LRRK1: variants seen among roughly 807,000 people sequenced by gnomAD.
LRRK1 encodes the protein leucine rich repeat kinase 1, also known as leucine-rich repeat serine/threonine-protein kinase 1.
Under a neutral mutation model 209.1 loss-of-function variants are expected in LRRK1, and 113 were observed. The observed-to-expected ratio is 0.54, with a 90% CI of 0.46 to 0.63. The LOEUF (loss-of-function observed/expected upper bound fraction) is 0.63, where lower values mean the gene tolerates loss of function less well. Ranked by LOEUF, LRRK1 falls within the 30% of genes least tolerant of loss-of-function variation. The pLI is 0.00. For synonymous variants in LRRK1, 1,144 were observed against 1,099.7 expected (o/e 1.04, Z -0.80); for missense variants, 2,284 against 2,632.2 (o/e 0.87, Z 2.89).
intron 20 of LRRK1, chr15:101,043,878 A>C (rs1334495978): frequency 6.6e-6 from 1 of 152,196 alleles, no homozygotes; most frequent in Non-Finnish European, 1.5e-5. Flanking sequence ...GGCCTCCTGC[A>C]TGGGAACAGC....
intron 33 of LRRK1, chr15:101,067,344 CCA>C (rs2036588621): frequency 4.4e-6 from 2 of 455,594 alleles, no homozygotes; most frequent in South Asian, 1.6e-5. Context: ...CTGCAGCTCC[CCA>C]CAGTGTTTAC....
intron 2 of LRRK1, among the ~76,000 whole-genome samples, chr15:100,947,590 AC>A (rs1484255351): frequency 2.0e-5 from 3 of 152,248 alleles, no homozygotes; most frequent in Non-Finnish European, 4.4e-5. Flanking sequence ...TAAAATTAGG[AC>A]TGAGTATATC....
In LRRK1 at chr15:101,022,453, G is replaced by A. The variant is rs2033840823; in HGVS notation, c.1923G>A (p.Met641Ile). Residue 641 changes from methionine to isoleucine, a missense_variant, in exon 15 of 34, where the codon ATG becomes ATA. Coordinates refer to ENST00000388948, the MANE Select transcript of LRRK1 (RefSeq NM_024652.6). The surrounding 1 kb of genome is among the most constrained non-coding windows in gnomAD (Gnocchi z 4.0). ...RKAEKCKLMK[M>I]IIVGPPRQGK... The stretch of plus-strand genomic sequence containing the variant: ...CGGAAAAGTGCAAGCTGATGAAGAT[G>A]ATCATCGTGGGTCCCCCGCGCCAGG... 6.2e-7 allele frequency: 1 copy of A among 1,614,226 alleles called. No individual in the cohort carries two copies. The highest frequency in any genetic ancestry group is 8.5e-7 in the Non-Finnish European group (1 of 1,180,038).
At chr15:101,051,607 T>C in intron 23 of LRRK1, 104 bp from the exon 24 acceptor site, 3 of 1,432,236 alleles carry the variant, frequency 2.1e-6, no homozygotes, top group Non-Finnish European at 9.5e-7. Flanking sequence ...GACAGGCAGC[T>C]CCCCTGCTGC....
At chr15:100,969,672 A>G (rs2030729906) in intron 2 of LRRK1, among the ~76,000 whole-genome samples, 1 of 151,914 alleles carries the variant, frequency 6.6e-6, no homozygotes, top group African/African-American at 2.4e-5. Flanking sequence ...ACAGGTGCCC[A>G]GTGTGTGTTG....
intron 20 of LRRK1, among the ~76,000 whole-genome samples, chr15:101,035,704 G>T (rs2034469369): frequency 6.6e-6 from 1 of 151,832 alleles, no homozygotes; most frequent in South Asian, 2.1e-4. Flanking sequence ...ATTATTTTCT[G>T]GTTGTTTTTA....
chr15:101,041,922 T>G (rs968222205), intron 20 of LRRK1, among the ~76,000 whole-genome samples: 1 of 152,196 alleles, frequency 6.6e-6, no homozygotes, highest in East Asian at 1.9e-4. Context: ...GTTACATAAA[T>G]GTGGTCTCTC....
intron 6 of LRRK1, among the ~76,000 whole-genome samples, chr15:101,004,976 C>A (rs1444909289): frequency 2.0e-5 from 3 of 152,220 alleles, no homozygotes; most frequent in African/African-American, 7.2e-5. Context: ...GTTGTCAAAG[C>A]CAAAACCATA....
In LRRK1 at chr15:101,012,025, C is replaced by T. The variant is rs372256745; in HGVS notation, c.1299C>T (p.Ser433=). The T allele has an allele frequency of 7.5e-6, 12 of 1,603,094 alleles. No individual in the cohort carries two copies. The highest frequency in any genetic ancestry group is 2.2e-5 in the East Asian group (1 of 44,754). Residue 433 remains serine (S), a synonymous_variant, in exon 10 of 34, where the codon TCC becomes TCT. Transcript: ENST00000388948. ...WACPLKCCKA[S]RNALECLPDK... ...TCTCTTAGAAATGTTGTAAAGCTTC[C>T]AGAAATGCCCTGGAATGTCTGCCAG...
At chr15:100,990,659 G>A (rs1317466279) in intron 6 of LRRK1, among the ~76,000 whole-genome samples, 1 of 148,404 alleles carries the variant, frequency 6.7e-6, no homozygotes, top group Admixed American at 6.7e-5. Flanking sequence ...TGAACTGCCT[G>A]TTAATGTTTG....
intron 3 of LRRK1, among the ~76,000 whole-genome samples, chr15:100,982,860 C>T (rs1436320276): frequency 1.3e-5 from 2 of 152,204 alleles, no homozygotes; most frequent in Admixed American, 1.3e-4. Flanking sequence ...GCAGCAAATG[C>T]GAGCCACATG....
intron 23 of LRRK1, 64 bp from the exon 24 acceptor site, chr15:101,051,647 C>G: frequency 7.0e-7 from 1 of 1,425,908 alleles, no homozygotes; most frequent in Non-Finnish European, 9.2e-7. Flanking sequence ...GTGCAGAGTG[C>G]TGCTCGGGGG....
rs753818870 is a variant in LRRK1 at position 101,024,887 on chromosome 15, G to A, written c.2152G>A (p.Ala718Thr). 6.2e-7 allele frequency: 1 copy of A among 1,614,200 alleles called. No individual in the cohort carries two copies. The highest frequency in any genetic ancestry group is 1.1e-5 in the South Asian group (1 of 91,086). ...TVNQCFFTDK[A>T]LYVVVWNLAL... Reference sequence around the variant, plus strand: ...CAACCAGTGCTTCTTCACGGACAAGGCCCTGTACGTGGTGGTCTGGAACCT... The same window carrying A: ...CAACCAGTGCTTCTTCACGGACAAGACCCTGTACGTGGTGGTCTGGAACCT... The change falls in exon 16 of 34, where the codon GCC becomes ACC. Residue 718 changes from alanine to threonine, a missense_variant. Ala to Thr is a moderately conservative substitution (Grantham distance 58). Coordinates refer to ENST00000388948, the MANE Select transcript of LRRK1 (RefSeq NM_024652.6). This position sits in a 1 kb window ranked among gnomAD's most constrained non-coding sequence, Gnocchi z 4.6.
Position 101,056,858 on chromosome 15 carries a change from A to G in LRRK1, c.4335A>G (p.Val1445=). ...IRPRIVYDEK[V]DMFSYGMVLY... ...GACTTGGCTTGTTCTGTGCCCAGGT[A>G]GATATGTTCTCCTATGGAATGGTGC... is the stretch of plus-strand genomic sequence containing the variant. Residue 1445 remains valine, a splice_region_variant and synonymous_variant, in exon 28 of 34, where the codon GTA becomes GTG. Coordinates refer to ENST00000388948, the MANE Select transcript of LRRK1 (RefSeq NM_024652.6). 1 of 1,596,876 alleles carries G rather than the reference A, an allele frequency of 6.3e-7. No homozygotes were observed. Among genetic ancestry groups the G allele is most frequent in the Non-Finnish European group, 8.5e-7 (1 of 1,170,684 alleles).
chr15:100,947,174 G>A (rs1380210995), intron 2 of LRRK1, among the ~76,000 whole-genome samples: 2 of 151,986 alleles, frequency 1.3e-5, no homozygotes, highest in Non-Finnish European at 2.9e-5. Flanking sequence ...GGCCAAGATG[G>A]TCTCCATCTC....
At chr15:101,061,108 C>T (rs1393504242) in intron 29 of LRRK1, 63 bp from the exon 30 acceptor site, 2 of 1,273,022 alleles carry the variant, frequency 1.6e-6, no homozygotes, top group East Asian at 4.6e-5. Flanking sequence ...GCAGGCCAGG[C>T]TCAGGGAAAG....
chr15:100,969,050 G>A (rs2030684833), intron 2 of LRRK1, among the ~76,000 whole-genome samples: 1 of 152,052 alleles, frequency 6.6e-6, no homozygotes, highest in Non-Finnish European at 1.5e-5. Flanking sequence ...TTGTTTCCCA[G>A]ACTGGTCTCA....
rs191986955 is a variant in LRRK1 at position 101,017,085 on chromosome 15, A to C, written c.1609+1683A>C. Reference sequence around the variant, plus strand: ...ACAACTTCCAAAGCCAGCTCTGCTCACAGAAATATCCCTCAGGATGCTGGC... The same window carrying C: ...ACAACTTCCAAAGCCAGCTCTGCTCCCAGAAATATCCCTCAGGATGCTGGC... On this transcript the variant is annotated intron_variant, in intron 12 of 33. Transcript: ENST00000388948. 2.0e-5 allele frequency among the ~76,000 whole-genome samples: 3 copies of C among 152,376 alleles called. No homozygotes were observed. The East Asian group carries it at 5.8e-4, about 29-fold the overall frequency.
intron 7 of LRRK1, 95 bp from the exon 8 acceptor site, chr15:101,010,353 AAG>A: frequency 7.1e-7 from 1 of 1,413,748 alleles, no homozygotes; most frequent in Non-Finnish European, 9.6e-7. Context: ...TGGGGAGAAA[AAG>A]AAAAAAAATA....
Sources: allele counts gnomAD v4.1 joint callset (sites outside exome capture counted in the v4.1 genomes callset), GRCh38; gene constraint gnomAD v4.1.1; non-coding constraint Gnocchi (gnomAD v3.1); transcripts MANE v1.5; gene names NCBI Gene and HGNC (gene_info 2026-07-23, HGNC 2026-07-21).